Variants in TG observed in about 807,000 individuals in gnomAD.
The protein encoded by TG is thyroid hormones.
In TG, 270 loss-of-function variants were observed where a neutral mutation model predicts 324.7. The ratio of observed to expected loss-of-function variants is 0.83; its 90% CI spans 0.75 to 0.92. The LOEUF (loss-of-function observed/expected upper bound fraction) is 0.92. Among genes scored for constraint, TG ranks in the 40% least tolerant of loss-of-function variants. The probability of loss-of-function intolerance (pLI) is 0.00; values close to 1 mark genes in which losing one functional copy is unlikely to be tolerated. For synonymous variants in TG, 1,401 were observed against 1,327.0 expected, an observed-to-expected ratio of 1.06 and a Z score of -1.21; for missense variants, 3,591 against 3,456.4, an observed-to-expected ratio of 1.04 and a Z score of -0.98.
Position 132,886,562 on chromosome 8 carries a change from C to A in TG, c.1190C>A (p.Ala397Asp). The change falls in exon 9 of 48, where the codon GCC becomes GAC. Residue 397 changes from alanine to aspartate, a missense_variant. Transcript: ENST00000220616. ...DLFSSPEKRWASPRVARFATS... is the reference protein window; with the variant it reads ...DLFSSPEKRWDSPRVARFATS... ...TTCTCTTCCCCAGAGAAAAGATGGG[C>A]CTCTCCAAGAGTAGCCAGATTTGCC... The A allele has an allele frequency of 8.1e-6, 13 of 1,614,220 alleles. No individual in the cohort carries two copies. Among genetic ancestry groups the A allele is most frequent in the Non-Finnish European group, 1.1e-5 (13 of 1,180,040 alleles).
At chr8:133,038,335 A>G (rs773764179) in intron 41 of TG, 103 of 606,614 alleles carry the variant, frequency 1.7e-4, no homozygotes, top group Middle Eastern at 4.4e-4. Context: ...CTGATCAGAC[A>G]CCAGGGAGGG....
At chr8:133,079,205 C>G (rs1211760704) in intron 41 of TG, among the ~76,000 whole-genome samples, 2 of 152,198 alleles carry the variant, frequency 1.3e-5, no homozygotes, top group African/African-American at 4.8e-5. Flanking sequence ...GTCAGGAGGT[C>G]AGGCTTTAGG....
At chr8:132,994,455 A>G (rs1197475319) in intron 35 of TG, among the ~76,000 whole-genome samples, 1 of 152,194 alleles carries the variant, frequency 6.6e-6, no homozygotes, top group Non-Finnish European at 1.5e-5. Flanking sequence ...AGGCCCTTCT[A>G]CATAGCTGAC....
At chr8:132,870,717 C>T (rs1190270060) in intron 3 of TG, among the ~76,000 whole-genome samples, 1 of 152,066 alleles carries the variant, frequency 6.6e-6, no homozygotes, top group Non-Finnish European at 1.5e-5. Flanking sequence ...GCTGCTTCCA[C>T]TCATGGTACA....
Position 132,897,843 on chromosome 8 carries a change from G to A in TG, c.3139+57G>A, listed in dbSNP as rs550937789. ...AGTGACACCCCTTTTTTATTTTAGAGGACAGAGCCCCACACTGGGAGGCAA... is the reference window on the plus strand; with the variant it reads ...AGTGACACCCCTTTTTTATTTTAGAAGACAGAGCCCCACACTGGGAGGCAA... On this transcript the variant is annotated intron_variant, in intron 12 of 47. Transcript: ENST00000220616. 2.3e-5 allele frequency: 37 copies of A among 1,603,422 alleles called. No homozygotes were observed. The African/African-American group carries it at 4.0e-4, about 17-fold the overall frequency.
chr8:133,080,904 TC>T (rs971474692), intron 41 of TG, among the ~76,000 whole-genome samples: 1 of 152,222 alleles, frequency 6.6e-6, no homozygotes, highest in African/African-American at 2.4e-5. Context: ...TAGATGCCTC[TC>T]AACCAACAAT....
At chr8:133,110,135 T>A (rs1440650320) in intron 43 of TG, among the ~76,000 whole-genome samples, 1 of 152,182 alleles carries the variant, frequency 6.6e-6, no homozygotes, top group East Asian at 1.9e-4. Flanking sequence ...GAACCCACTT[T>A]AGTGCCACTG....
At chr8:132,980,460 C>T (rs141181477) in intron 34 of TG, among the ~76,000 whole-genome samples, 1 of 152,058 alleles carries the variant, frequency 6.6e-6, no homozygotes. Context: ...GAGGCTCCCC[C>T]CCGGCCCTCT....
intron 41 of TG, among the ~76,000 whole-genome samples, chr8:133,090,618 A>T (rs1220351455): frequency 6.6e-6 from 1 of 152,232 alleles, no homozygotes; most frequent in Non-Finnish European, 1.5e-5. Flanking sequence ...CATGGATAAT[A>T]ACATTCCTAA....
chr8:132,874,029 G>A (rs1049444054), intron 5 of TG, among the ~76,000 whole-genome samples: 23 of 151,998 alleles, frequency 1.5e-4, no homozygotes, highest in African/African-American at 5.1e-4. Context: ...AAAATTAGCC[G>A]GGCGTGGTGG....
At chr8:133,006,656 C>T (rs532482814) in intron 35 of TG, among the ~76,000 whole-genome samples, 1 of 152,358 alleles carries the variant, frequency 6.6e-6, no homozygotes, top group Non-Finnish European at 1.5e-5. Context: ...CTCGTGGAGG[C>T]ATATCCTTGC....
intron 10 of TG, among the ~76,000 whole-genome samples, chr8:132,892,833 ATGTG>A (rs1257782642): frequency 7.9e-6 from 1 of 126,372 alleles, no homozygotes; most frequent in African/African-American, 3.0e-5. Context: ...GTGTGTGTGT[ATGTG>A]TGTGGTGTGG....
intron 1 of TG, 63 bp downstream of exon 1, chr8:132,867,130 C>G (rs991744807): frequency 3.9e-5 from 56 of 1,433,412 alleles, no homozygotes; most frequent in Non-Finnish European, 5.0e-5. Context: ...CCAGGCTCTG[C>G]CCTGGGCCTT....
chr8:132,962,771 A>T (rs2130369166), intron 28 of TG, among the ~76,000 whole-genome samples: 1 of 152,322 alleles, frequency 6.6e-6, no homozygotes, highest in South Asian at 2.1e-4. Flanking sequence ...GCGTATGTTA[A>T]TAATTTCAAT....
At chr8:132,876,072 G>A (rs1454344664) in intron 5 of TG, among the ~76,000 whole-genome samples, 1 of 152,146 alleles carries the variant, frequency 6.6e-6, no homozygotes, top group Non-Finnish European at 1.5e-5. Flanking sequence ...CTTGGGGTTG[G>A]GGAAGGGTAT....
At chr8:133,049,255 T>C in intron 41 of TG, 4 of 417,922 alleles carry the variant, frequency 9.6e-6, no homozygotes, top group South Asian at 5.0e-5. Context: ...CTTGTTTATC[T>C]TACCCATTTT....
At chr8:133,057,308 G>A (rs796525327) in intron 41 of TG, among the ~76,000 whole-genome samples, 14 of 152,234 alleles carry the variant, frequency 9.2e-5, no homozygotes, top group African/African-American at 2.9e-4. Context: ...ACTTCCCTAG[G>A]TTGTATTAAA....
chr8:133,065,056 T>C (rs1324046521), intron 41 of TG, among the ~76,000 whole-genome samples: 2 of 152,194 alleles, frequency 1.3e-5, no homozygotes, highest in Non-Finnish European at 2.9e-5. Context: ...CTGCAAAGTG[T>C]GACAGCTATA....
intron 40 of TG, among the ~76,000 whole-genome samples, chr8:133,025,997 G>A (rs900955704): frequency 4.6e-5 from 7 of 152,174 alleles, no homozygotes; most frequent in African/African-American, 1.7e-4. Flanking sequence ...GATGAAGTGT[G>A]TGAGGACAAG....
Sources: allele counts gnomAD v4.1 joint callset (sites outside exome capture counted in the v4.1 genomes callset), GRCh38; gene constraint gnomAD v4.1.1; transcripts MANE v1.5; gene names NCBI Gene and HGNC (gene_info 2026-07-23, HGNC 2026-07-21).